The following SGCZ variants were observed in gnomAD, a reference collection of about 807,000 sequenced individuals.
The protein encoded by SGCZ is sarcoglycan zeta.
A neutral mutation model predicts 41.3 loss-of-function variants in SGCZ; 40 were observed. That is an observed-to-expected ratio of 0.97 (90% CI 0.75 to 1.26). The LOEUF is 1.26. Among genes scored for constraint, SGCZ ranks in the 50% most tolerant of loss-of-function variants. The probability of loss-of-function intolerance (pLI) is 0.00; values close to 1 mark genes in which losing one functional copy is unlikely to be tolerated. For missense variants in SGCZ, 552 were observed against 369.8 expected (o/e 1.49, Z -4.04); for synonymous variants, 206 against 137.5 (o/e 1.50, Z -3.49).
intron 4 of SGCZ, among the ~76,000 whole-genome samples, chr8:14,217,173 G>A (rs1289386387): frequency 6.6e-6 from 1 of 151,628 alleles, no homozygotes; most frequent in African/African-American, 2.4e-5. Context: ...GCAGGCACCT[G>A]TAGTCCTAGC....
Position 15,166,702 on chromosome 8 carries a change from A to G in SGCZ, c.39+70883T>C, listed in dbSNP as rs1427667153. Among the ~76,000 whole-genome samples, 6 of 152,210 alleles carry G rather than the reference A, an allele frequency of 3.9e-5. No individual in the cohort carries two copies. The East Asian group carries it at 1.2e-3, about 29-fold the overall frequency. ...TATTGTAAACAACAGAGATAACCAAACTTATTTGTCAATTGTGTTTCTAAC... is the reference window on the plus strand; with the variant it reads ...TATTGTAAACAACAGAGATAACCAAGCTTATTTGTCAATTGTGTTTCTAAC... On this transcript the variant is annotated intron_variant, in intron 1 of 7. Transcript: ENST00000382080.
intron 1 of SGCZ, among the ~76,000 whole-genome samples, chr8:15,076,672 T>C (rs1805542522): frequency 1.3e-5 from 2 of 152,024 alleles, no homozygotes; most frequent in African/African-American, 2.4e-5. Context: ...AAGGTAGAGA[T>C]TGCTCCAAGG....
intron 1 of SGCZ, among the ~76,000 whole-genome samples, chr8:14,856,460 G>T (rs991889538): frequency 1.4e-4 from 22 of 152,258 alleles, no homozygotes; most frequent in African/African-American, 4.3e-4. Context: ...GCAAATTTAT[G>T]CATGTGGCCA....
chr8:15,142,256 TAGGC>T (rs1182355249), intron 1 of SGCZ, among the ~76,000 whole-genome samples: 1 of 152,172 alleles, frequency 6.6e-6, no homozygotes, highest in Non-Finnish European at 1.5e-5. Context: ...AGAGTATGTT[TAGGC>T]AGGCACTGAG....
chr8:14,375,567 A>G (rs1195261207), intron 2 of SGCZ, among the ~76,000 whole-genome samples: 2 of 152,194 alleles, frequency 1.3e-5, no homozygotes, highest in Non-Finnish European at 2.9e-5. Context: ...AAAATTAATA[A>G]CAGAATTTTT....
intron 2 of SGCZ, among the ~76,000 whole-genome samples, chr8:14,425,578 G>A (rs1034923642): frequency 9.9e-5 from 15 of 151,746 alleles, no homozygotes; most frequent in East Asian, 7.8e-4. Context: ...CCAAGATCGC[G>A]CCACTGCTCT....
intron 1 of SGCZ, among the ~76,000 whole-genome samples, chr8:14,943,616 C>G (rs1341351740): frequency 6.6e-6 from 1 of 151,978 alleles, no homozygotes; most frequent in Non-Finnish European, 1.5e-5. Flanking sequence ...CAGGTTTGTT[C>G]AATAGGTAAA....
chr8:14,144,569 C>T (rs1245484769), intron 5 of SGCZ, among the ~76,000 whole-genome samples: 1 of 152,106 alleles, frequency 6.6e-6, no homozygotes, highest in East Asian at 1.9e-4. Context: ...GGCTACATGG[C>T]AAAACTCTTT....
rs565821695 is a variant in SGCZ, at chr8:14,885,064, T to G, written c.40-330138A>C. On this transcript the variant is annotated intron_variant, in intron 1 of 7. Coordinates refer to ENST00000382080, the MANE Select transcript of SGCZ (RefSeq NM_139167.4). ...TTTATTTCTGTTTTCAAATGTCACC[T>G]TCTCTGGAAATACTTTGCCAAATCA... Among the ~76,000 whole-genome samples the G allele has an allele frequency of 2.5e-3, 379 of 152,296 alleles. 3 individuals carry two copies. Among genetic ancestry groups the G allele is most frequent in the African/African-American group, 8.8e-3 (367 of 41,552 alleles).
At chr8:14,437,003 A>G (rs1585511312) in intron 2 of SGCZ, among the ~76,000 whole-genome samples, 1 of 151,448 alleles carries the variant, frequency 6.6e-6, no homozygotes, top group Non-Finnish European at 1.5e-5. Context: ...ATTTTGAAAT[A>G]GATTCATCCT....
At chr8:14,199,952 A>G (rs1048690470) in intron 4 of SGCZ, among the ~76,000 whole-genome samples, 2 of 152,210 alleles carry the variant, frequency 1.3e-5, no homozygotes, top group Non-Finnish European at 2.9e-5. Flanking sequence ...TACAAAAGTT[A>G]CAGCCATAGT....
At chr8:14,643,147 T>C (rs548022399) in intron 1 of SGCZ, among the ~76,000 whole-genome samples, 9 of 151,596 alleles carry the variant, frequency 5.9e-5, no homozygotes, top group Admixed American at 2.6e-4. Context: ...AATAGCAAAA[T>C]AGATGAAGGG....
chr8:14,489,200 A>G (rs951506106), intron 2 of SGCZ, among the ~76,000 whole-genome samples: 2 of 152,134 alleles, frequency 1.3e-5, no homozygotes, highest in African/African-American at 4.8e-5. Context: ...GTTTTGCAAG[A>G]GGCTGTGGTT....
chr8:14,629,063 A>G, intron 1 of SGCZ, among the ~76,000 whole-genome samples: 1 of 152,162 alleles, frequency 6.6e-6, no homozygotes, highest in East Asian at 1.9e-4. Flanking sequence ...AAAGAATTTG[A>G]CCAGATTTGG....
At chr8:14,540,942 C>T (rs1803447141) in intron 2 of SGCZ, among the ~76,000 whole-genome samples, 1 of 150,940 alleles carries the variant, frequency 6.6e-6, no homozygotes, top group Non-Finnish European at 1.5e-5. Context: ...ATGTTAACTT[C>T]ATTTTTTCAC....
intron 2 of SGCZ, among the ~76,000 whole-genome samples, chr8:14,530,926 T>G (rs1466099860): frequency 6.6e-6 from 1 of 152,070 alleles, no homozygotes; most frequent in Non-Finnish European, 1.5e-5. Context: ...GAGGCTCTAC[T>G]ACAGGTACAC....
chr8:14,968,615 G>A (rs982760888), intron 1 of SGCZ, among the ~76,000 whole-genome samples: 3 of 152,108 alleles, frequency 2.0e-5, no homozygotes, highest in African/African-American at 4.8e-5. Flanking sequence ...GTGTACAGAT[G>A]ATTGAGAAAA....
intron 2 of SGCZ, among the ~76,000 whole-genome samples, chr8:14,421,210 G>A (rs1450632214): frequency 6.6e-6 from 1 of 152,012 alleles, no homozygotes; most frequent in African/African-American, 2.4e-5. Flanking sequence ...TACCAAAAAG[G>A]TAAGGGGCTA....
At chr8:15,008,274 C>A (rs1802678772) in intron 1 of SGCZ, among the ~76,000 whole-genome samples, 1 of 151,906 alleles carries the variant, frequency 6.6e-6, no homozygotes, top group Non-Finnish European at 1.5e-5. Flanking sequence ...CTTCCTATTT[C>A]TTTTGCCAAA....
Sources: gnomAD v4.1 joint callset for allele counts (sites outside exome capture counted in the v4.1 genomes callset) on GRCh38, gnomAD v4.1.1 for gene constraint, MANE v1.5 for transcripts, NCBI Gene and HGNC (gene_info 2026-07-23, HGNC 2026-07-21) for gene names.